Variants in RIMS2 observed in about 807,000 individuals in gnomAD.
The protein encoded by RIMS2 is regulating synaptic membrane exocytosis protein 2.
A neutral mutation model predicts 174.4 loss-of-function variants in RIMS2; 59 were observed. The ratio of observed to expected loss-of-function variants is 0.34; its 90% CI spans 0.27 to 0.42. The LOEUF is 0.42. Ranked by LOEUF, RIMS2 falls within the 10% of genes least tolerant of loss-of-function variation. The probability of loss-of-function intolerance (pLI) is 1.00; values close to 1 mark genes in which losing one functional copy is unlikely to be tolerated. For missense variants in RIMS2, 1,620 were observed against 1,666.3 expected (o/e 0.97, Z 0.48); for synonymous variants, 606 against 572.5 (o/e 1.06, Z -0.84).
intron 19 of RIMS2, among the ~76,000 whole-genome samples, chr8:104,038,073 A>T (rs2096549832): frequency 6.6e-6 from 1 of 152,040 alleles, no homozygotes; most frequent in Non-Finnish European, 1.5e-5. Flanking sequence ...TTGTGTAATT[A>T]CACTCTATAA....
intron 3 of RIMS2, among the ~76,000 whole-genome samples, chr8:103,882,481 A>G (rs542356079): frequency 3.3e-5 from 5 of 151,746 alleles, no homozygotes; most frequent in South Asian, 2.1e-4. Context: ...TAGTGTTAAC[A>G]TACTGTAAGG....
At chr8:103,887,246 T>G (rs1392964925) in intron 4 of RIMS2, among the ~76,000 whole-genome samples, 1 of 151,762 alleles carries the variant, frequency 6.6e-6, no homozygotes, top group African/African-American at 2.4e-5. Context: ...TCTGCCCATC[T>G]TTCTCTGGGT....
rs374913972 is a variant in RIMS2, at chr8:103,943,301, T to C, written c.2701+375T>C. Among the ~76,000 whole-genome samples, 18 of 152,250 alleles carry C rather than the reference T, an allele frequency of 1.2e-4. No homozygotes were observed. In the East Asian group the frequency reaches 3.3e-3, roughly 28 times the overall value. Reference sequence around the variant, plus strand: ...AAAATTATCATTTCCTCCTTTATTATTCTAGGTATTTTATGAATATGTAGT... The same window carrying C: ...AAAATTATCATTTCCTCCTTTATTACTCTAGGTATTTTATGAATATGTAGT... On this transcript the variant is annotated intron_variant, in intron 14 of 23. Coordinates refer to ENST00000504942, the Ensembl canonical transcript of RIMS2.
At chr8:103,524,084 TCA>T (rs2130617876) in intron 1 of RIMS2, among the ~76,000 whole-genome samples, 1 of 152,314 alleles carries the variant, frequency 6.6e-6, no homozygotes, top group Non-Finnish European at 1.5e-5. Context: ...ATTTATAGTT[TCA>T]GAGGGACTTT....
At chr8:104,013,981 T>G (rs188043823) in intron 18 of RIMS2, among the ~76,000 whole-genome samples, 1 of 152,160 alleles carries the variant, frequency 6.6e-6, no homozygotes, top group Non-Finnish European at 1.5e-5. Context: ...AAAACTAGAT[T>G]TTTTAAGTTT....
At chr8:104,165,030 A>G (rs547496068) in intron 19 of RIMS2, among the ~76,000 whole-genome samples, 2 of 152,322 alleles carry the variant, frequency 1.3e-5, no homozygotes, top group Non-Finnish European at 2.9e-5. Flanking sequence ...TTGAAAGTTC[A>G]CTTCTTATTT....
intron 19 of RIMS2, among the ~76,000 whole-genome samples, chr8:104,172,463 G>A (rs2098837969): frequency 6.6e-6 from 1 of 152,108 alleles, no homozygotes; most frequent in Non-Finnish European, 1.5e-5. Context: ...ATTTTTGCTT[G>A]ATAAATAATT....
chr8:103,552,987 C>T (rs1429305675), intron 1 of RIMS2, among the ~76,000 whole-genome samples: 1 of 152,170 alleles, frequency 6.6e-6, no homozygotes, highest in African/African-American at 2.4e-5. Flanking sequence ...AACACTTTTA[C>T]ACTGTTGGTG....
chr8:103,586,248 T>C (rs2093915042), intron 1 of RIMS2, among the ~76,000 whole-genome samples: 1 of 152,150 alleles, frequency 6.6e-6, no homozygotes, highest in South Asian at 2.1e-4. Flanking sequence ...ATCAAATGGA[T>C]CTAATATTTA....
chr8:103,512,410 T>TGGC (rs1189130482), intron 1 of RIMS2, among the ~76,000 whole-genome samples: 3 of 152,196 alleles, frequency 2.0e-5, no homozygotes, highest in Non-Finnish European at 4.4e-5. Context: ...TATTTCTTTT[T>TGGC]GGCGTTATAT....
chr8:104,081,661 G>A (rs566091619), intron 19 of RIMS2, among the ~76,000 whole-genome samples: 2 of 141,520 alleles, frequency 1.4e-5, no homozygotes, highest in East Asian at 4.0e-4. Flanking sequence ...GACAATAAAA[G>A]TGAAAAAAAA....
chr8:103,605,792 G>T (rs1002794091), intron 1 of RIMS2, among the ~76,000 whole-genome samples: 129 of 152,066 alleles, frequency 8.5e-4, no homozygotes, highest in African/African-American at 3.0e-3. Flanking sequence ...TTGCATAGAG[G>T]TGTTTGTAGT....
intron 2 of RIMS2, among the ~76,000 whole-genome samples, chr8:103,720,901 A>G (rs1054476014): frequency 3.9e-5 from 6 of 152,244 alleles, no homozygotes; most frequent in African/African-American, 1.4e-4. Flanking sequence ...CATATTTAGA[A>G]TAAATGCACA....
chr8:103,504,846 C>CTTTT (rs11367763), intron 1 of RIMS2, among the ~76,000 whole-genome samples: 164 of 94,968 alleles, frequency 1.7e-3, no homozygotes, highest in Non-Finnish European at 2.4e-3. Flanking sequence ...TTCTTTCTTT[C>CTTTT]TTTTTTTTTT....
At chr8:103,977,735 G>A (rs185945695) in intron 16 of RIMS2, among the ~76,000 whole-genome samples, 1 of 152,122 alleles carries the variant, frequency 6.6e-6, no homozygotes, top group African/African-American at 2.4e-5. Flanking sequence ...GTTATAAATT[G>A]GAGTTTCCAT....
chr8:103,976,295 T>G (rs1431031826), intron 16 of RIMS2: 1 of 152,132 alleles, frequency 6.6e-6, no homozygotes, highest in African/African-American at 2.4e-5. Context: ...GAGAGTAAAA[T>G]GAAACATGAC....
chr8:104,110,977 T>A (rs1287971617), intron 19 of RIMS2, among the ~76,000 whole-genome samples: 3 of 152,190 alleles, frequency 2.0e-5, no homozygotes, highest in Non-Finnish European at 4.4e-5. Context: ...ATTTCAAACT[T>A]TGGCCTCTAT....
At chr8:103,505,281 GTGTC>G (rs1301832917) in intron 1 of RIMS2, among the ~76,000 whole-genome samples, 1 of 152,240 alleles carries the variant, frequency 6.6e-6, no homozygotes, top group South Asian at 2.1e-4. Context: ...AATATTGTGT[GTGTC>G]TGTATATGTG....
intron 19 of RIMS2, among the ~76,000 whole-genome samples, chr8:104,124,424 G>A (rs1449845947): frequency 6.6e-6 from 1 of 152,134 alleles, no homozygotes; most frequent in African/African-American, 2.4e-5. Flanking sequence ...GAGTTAGTGA[G>A]TTCATTTTGC....
Sources: allele counts gnomAD v4.1 joint callset (sites outside exome capture counted in the v4.1 genomes callset), GRCh38; gene constraint gnomAD v4.1.1; transcripts MANE v1.5; gene names NCBI Gene and HGNC (gene_info 2026-07-23, HGNC 2026-07-21).